Variants in RBM39 observed in about 807,000 individuals in gnomAD.
RBM39 encodes the protein RNA binding motif protein 39, also known as RNA-binding protein 39.
Under a neutral mutation model 79.6 loss-of-function variants are expected in RBM39, and 12 were observed. That is an observed-to-expected ratio of 0.15 (90% CI 0.10 to 0.24). RBM39 has a LOEUF of 0.24. Ranked by LOEUF, RBM39 falls within the 10% of genes least tolerant of loss-of-function variation. RBM39 has a pLI of 1.00. For missense variants in RBM39, 243 were observed against 653.4 expected, an observed-to-expected ratio of 0.37 and a Z score of 6.85; for synonymous variants, 185 against 208.4, an observed-to-expected ratio of 0.89 and a Z score of 0.97.
chr20:35,734,992 G>C (rs1177664123), intron 3 of RBM39: 13 of 1,611,034 alleles, frequency 8.1e-6, no homozygotes, highest in Non-Finnish European at 1.1e-5. Flanking sequence ...GGACTTTTTG[G>C]TTATATGGCC....
intron 3 of RBM39, among the ~76,000 whole-genome samples, chr20:35,735,777 G>C (rs1271831443): frequency 6.6e-6 from 1 of 152,196 alleles, no homozygotes. Flanking sequence ...TGACTGGAAA[G>C]TATTTTAAGA....
At chr20:35,722,812 T>C (rs2038150030) in intron 8 of RBM39, among the ~76,000 whole-genome samples, 1 of 151,858 alleles carries the variant, frequency 6.6e-6, no homozygotes, top group Admixed American at 6.6e-5. Context: ...CAGGCACCTG[T>C]AGTCTCAGCT....
Position 35,703,387 on chromosome 20 carries a change from CTT to C in RBM39, c.*1092_*1093del, listed in dbSNP as rs1279192379. ...CCAGGTTTTAAGGCCAGGCTGTTTC[CTT>C]TTCTTTTTGGTAAACCCCTCAGTTT... is the stretch of plus-strand genomic sequence containing the variant. On this transcript the variant is annotated 3_prime_UTR_variant, in exon 17 of 17. Transcript: ENST00000253363. 6.6e-6 allele frequency: 1 copy of C among 152,100 alleles called. No homozygotes were observed. The highest frequency in any genetic ancestry group is 1.5e-5 in the Non-Finnish European group (1 of 68,032). 9.4% of individuals were successfully genotyped at this position (152,100 alleles called of 1,614,324 possible). A position where few individuals can be genotyped will look rare whatever the true frequency, so the allele number is the denominator to read the frequency against.
At chr20:35,735,433 T>G (rs933704038) in intron 3 of RBM39, among the ~76,000 whole-genome samples, 2 of 152,214 alleles carry the variant, frequency 1.3e-5, no homozygotes, top group African/African-American at 2.4e-5. Context: ...AGAATCAGAA[T>G]TATACAATTA....
intron 8 of RBM39, 101 bp downstream of exon 8, chr20:35,724,469 A>G: frequency 1.8e-6 from 2 of 1,127,582 alleles, no homozygotes; most frequent in African/African-American, 1.6e-5. Flanking sequence ...ATCCGACTCA[A>G]CGTAATGAGC....
rs2035479312 is a variant in RBM39 at position 35,704,418 on chromosome 20, A to G, written c.*63T>C. ...CTCTTTATTTTTATCTAAATAAAAGATAACTCAAGATGAATTCTCAAGAAA... is the reference window on the plus strand; with the variant it reads ...CTCTTTATTTTTATCTAAATAAAAGGTAACTCAAGATGAATTCTCAAGAAA... On this transcript the variant is annotated 3_prime_UTR_variant, in exon 17 of 17. Transcript: ENST00000253363. The G allele has an allele frequency of 4.3e-6, 5 of 1,162,714 alleles. No homozygotes were observed. The highest frequency in any genetic ancestry group is 1.2e-6 in the Non-Finnish European group (1 of 805,956). 72.0% of individuals were successfully genotyped at this position (1,162,714 alleles called of 1,614,324 possible). A position where few individuals can be genotyped will look rare whatever the true frequency, so the allele number is the denominator to read the frequency against.
At position 35,714,306 on chromosome 20, in the gene RBM39, A is replaced by G. The variant is rs2036835711; in HGVS notation, c.975T>C (p.His325=). 1 of 1,614,184 alleles carries G rather than the reference A, an allele frequency of 6.2e-7. No homozygotes were observed. Among genetic ancestry groups the G allele is most frequent in the South Asian group, 1.1e-5 (1 of 91,086 alleles). The change falls in exon 11 of 17, where the codon CAT becomes CAC. Residue 325 remains histidine, a synonymous_variant. Coordinates refer to ENST00000253363, the MANE Select transcript of RBM39 (RefSeq NM_184234.3). ...TCGAAGCATCAGTACGTTCAGTAAC[A>G]TGACCAACTTTCATTGGTCTTCCTG... is the stretch of plus-strand genomic sequence containing the variant. The part of the protein sequence containing the change: ...ELAGRPMKVG[H]VTERTDASSA...
rs960729362 is a variant in RBM39 at position 35,714,488 on chromosome 20, T to C, written c.892-99A>G. On this transcript the variant is annotated intron_variant, in intron 10 of 16. Coordinates refer to ENST00000253363, the MANE Select transcript of RBM39 (RefSeq NM_184234.3). ...TTTATATTTTTAGCATATTCAATAATTACTTCTGAATACTAAGGTAGAAAC... is the reference window on the plus strand; with the variant it reads ...TTTATATTTTTAGCATATTCAATAACTACTTCTGAATACTAAGGTAGAAAC... The C allele has an allele frequency of 6.4e-6, 9 of 1,398,562 alleles. 1 individual carries two copies. The East Asian group carries it at 2.3e-4, about 36-fold the overall frequency. The allele number at this position is 1,398,562 out of a possible 1,614,324, so 86.6% of individuals were successfully genotyped here. A position where few individuals can be genotyped will look rare whatever the true frequency, so the allele number is the denominator to read the frequency against.
intron 3 of RBM39, among the ~76,000 whole-genome samples, chr20:35,738,642 A>C (rs377269751): frequency 5.3e-5 from 8 of 152,372 alleles, no homozygotes; most frequent in African/African-American, 1.7e-4. Flanking sequence ...CAATGGATAT[A>C]TAACAGTTTT....
intron 9 of RBM39, among the ~76,000 whole-genome samples, chr20:35,717,025 A>G (rs1455589721): frequency 6.6e-6 from 1 of 152,088 alleles, no homozygotes. Context: ...GGCGCCTGTA[A>G]TCCCAGCATT....
In RBM39 at chr20:35,707,155, T is replaced by C. The variant is rs756950191; in HGVS notation, c.1272A>G (p.Gln424=). ...AAASVQPLAT[Q]CFQLSNMFNP... is the part of the protein sequence containing the mutation. ...TAAACATGTTAGAGAGTTGGAAACA[T>C]TGTGTTGCAAGTGGCTGAACAGAGG... The change falls in exon 14 of 17, where the codon CAA becomes CAG. Residue 424 remains glutamine (Q), a synonymous_variant. Transcript: ENST00000253363. 1.4e-5 allele frequency: 23 copies of C among 1,607,878 alleles called. No homozygotes were observed. Among genetic ancestry groups the C allele is most frequent in the South Asian group, 6.6e-5 (6 of 90,554 alleles).
intron 13 of RBM39, chr20:35,707,439 C>A: frequency 3.3e-6 from 1 of 306,578 alleles, no homozygotes; most frequent in Non-Finnish European, 6.1e-6. Context: ...CCTATTTTAA[C>A]AGGGAAATTA....
At chr20:35,717,572 G>A (rs1195401257) in intron 9 of RBM39, among the ~76,000 whole-genome samples, 2 of 152,088 alleles carry the variant, frequency 1.3e-5, no homozygotes, top group African/African-American at 2.4e-5. Flanking sequence ...CAATGAATTT[G>A]GCAATAACTG....
intron 9 of RBM39, among the ~76,000 whole-genome samples, chr20:35,717,437 C>T (rs770192568): frequency 7.9e-5 from 12 of 152,170 alleles, no homozygotes; most frequent in Admixed American, 2.0e-4. Context: ...AGAAATCCTT[C>T]GTAAATTACC....
At chr20:35,705,533 C>A in intron 14 of RBM39, 1 of 410,024 alleles carries the variant, frequency 2.4e-6, no homozygotes, top group Admixed American at 4.4e-5. Flanking sequence ...CGCGGTGACT[C>A]ATGCCTGTAA....
rs761586788 is a variant in RBM39 at position 35,702,413 on chromosome 20, T to G, written c.*2068A>C. 1.3e-5 allele frequency: 2 copies of G among 152,224 alleles called. No homozygotes were observed. The highest frequency in any genetic ancestry group is 2.9e-5 in the Non-Finnish European group (2 of 68,044). The allele number at this position is 152,224 out of a possible 1,614,324, so 9.4% of individuals were successfully genotyped here. A position where few individuals can be genotyped will look rare whatever the true frequency, so the allele number is the denominator to read the frequency against. On this transcript the variant is annotated 3_prime_UTR_variant, in exon 17 of 17. Coordinates refer to ENST00000253363, the MANE Select transcript of RBM39 (RefSeq NM_184234.3). ...CCAACCACATTTCCTCTGAACATTA[T>G]TTACACACCAAATTTCACTCTGGTA... is the stretch of plus-strand genomic sequence containing the variant.
At chr20:35,737,176 G>T (rs908437888) in intron 3 of RBM39, among the ~76,000 whole-genome samples, 3 of 151,624 alleles carry the variant, frequency 2.0e-5, no homozygotes, top group African/African-American at 7.3e-5. Context: ...TGGATCACGA[G>T]GTCAGGAGTT....
chr20:35,733,611 AAAAAAG>A (rs60930450), intron 3 of RBM39, among the ~76,000 whole-genome samples: 73 of 151,698 alleles, frequency 4.8e-4, no homozygotes, highest in Non-Finnish European at 7.4e-4. Flanking sequence ...TGTCTCCAAA[AAAAAAG>A]AAAAAGAAAA....
intron 6 of RBM39, among the ~76,000 whole-genome samples, chr20:35,727,648 G>T (rs1424594708): frequency 4.5e-5 from 6 of 134,550 alleles, no homozygotes; most frequent in African/African-American, 1.4e-4. Context: ...GCTAATTTTT[G>T]TATTTTTTTT....
Sources: allele counts gnomAD v4.1 joint callset (sites outside exome capture counted in the v4.1 genomes callset), GRCh38; gene constraint gnomAD v4.1.1; transcripts MANE v1.5; gene names NCBI Gene and HGNC (gene_info 2026-07-23, HGNC 2026-07-21).